The following LINGO2 variants were observed in gnomAD, a reference collection of about 807,000 sequenced individuals.
LINGO2 encodes the protein leucine rich repeat and Ig domain containing 2.
A neutral mutation model predicts 30.6 loss-of-function variants in LINGO2; 14 were observed. That is an observed-to-expected ratio of 0.46 (90% CI 0.30 to 0.72). The LOEUF is 0.72. Among genes scored for constraint, LINGO2 ranks in the 30% least tolerant of loss-of-function variants. LINGO2 has a pLI of 0.07. For synonymous variants in LINGO2, 317 were observed against 288.5 expected, an observed-to-expected ratio of 1.10 and a Z score of -1.00; for missense variants, 729 against 751.7, an observed-to-expected ratio of 0.97 and a Z score of 0.35.
At chr9:28,932,385 A>G in the LINGO2 span, among the ~76,000 whole-genome samples, 2 of 152,156 alleles carry the variant, frequency 1.3e-5, no homozygotes, top group Non-Finnish European at 2.9e-5. Context: ...CATCTGATCC[A>G]GGACTGGAGT....
intron 4 of LINGO2, among the ~76,000 whole-genome samples, chr9:28,041,732 C>G (rs932581218): frequency 2.6e-5 from 4 of 152,182 alleles, no homozygotes; most frequent in African/African-American, 9.7e-5. Context: ...TTCAGGACCA[C>G]ACATATTGTT....
intron 4 of LINGO2, among the ~76,000 whole-genome samples, chr9:28,182,853 TTGG>T (rs1350064169): frequency 6.6e-6 from 1 of 152,196 alleles, no homozygotes; most frequent in African/African-American, 2.4e-5. Context: ...TTTTACACTG[TTGG>T]TGGGAGTGTA....
At chr9:29,020,926 T>C in the LINGO2 span, among the ~76,000 whole-genome samples, 19 of 152,152 alleles carry the variant, frequency 1.2e-4, no homozygotes, top group Non-Finnish European at 1.5e-5. Flanking sequence ...TTTTATTAAT[T>C]TAGTTTTATT....
chr9:28,180,240 C>G (rs1297644247), intron 4 of LINGO2, among the ~76,000 whole-genome samples: 2 of 152,130 alleles, frequency 1.3e-5, no homozygotes, highest in African/African-American at 4.8e-5. Context: ...AGGTGAACTT[C>G]TTTTCCATGG....
At chr9:28,271,856 T>C (rs564498747) in intron 4 of LINGO2, among the ~76,000 whole-genome samples, 45 of 152,316 alleles carry the variant, frequency 3.0e-4, no homozygotes, top group East Asian at 1.9e-4. Context: ...AGGAATTTGT[T>C]AGAAAATAGA....
At chr9:28,720,048 C>G in the LINGO2 span, among the ~76,000 whole-genome samples, 2 of 152,132 alleles carry the variant, frequency 1.3e-5, no homozygotes, top group East Asian at 3.9e-4. Context: ...CATTCCAAAT[C>G]ATCTTTCACA....
At chr9:27,950,668 G>T in exon 6 of LINGO2, 1 of 1,506,976 alleles carries the variant, frequency 6.6e-7, no homozygotes, top group Non-Finnish European at 8.9e-7. Flanking sequence ...GCCGTGTGAA[G>T]CATGACTCCA....
At chr9:28,709,324 T>A in the LINGO2 span, among the ~76,000 whole-genome samples, 2 of 152,262 alleles carry the variant, frequency 1.3e-5, no homozygotes, top group Admixed American at 1.3e-4. Flanking sequence ...TTTCAGGTGC[T>A]GACTTCTTTT....
the LINGO2 span, among the ~76,000 whole-genome samples, chr9:28,896,381 T>C: frequency 6.6e-6 from 1 of 152,130 alleles, no homozygotes; most frequent in Non-Finnish European, 1.5e-5. Flanking sequence ...CTGTATTAAA[T>C]TAGAATATTT....
chr9:28,118,490 T>A (rs1048334395), intron 4 of LINGO2, among the ~76,000 whole-genome samples: 9 of 152,142 alleles, frequency 5.9e-5, no homozygotes, highest in Admixed American at 5.9e-4. Context: ...TGCAATAACT[T>A]ATTCAGTAAG....
chr9:28,932,930 G>A, the LINGO2 span, among the ~76,000 whole-genome samples: 1 of 144,694 alleles, frequency 6.9e-6, no homozygotes, highest in Non-Finnish European at 1.5e-5. Context: ...TTATTGAGAT[G>A]GAGTCTCACT....
chr9:28,414,073 A>T (rs1391111356), intron 2 of LINGO2, among the ~76,000 whole-genome samples: 1 of 152,034 alleles, frequency 6.6e-6, no homozygotes, highest in Admixed American at 6.6e-5. Context: ...CTTGTTTTTT[A>T]AAAAATATTT....
chr9:28,997,531 TA>T, the LINGO2 span, among the ~76,000 whole-genome samples: 12 of 152,144 alleles, frequency 7.9e-5, no homozygotes, highest in Non-Finnish European at 1.5e-4. Context: ...TCCTAAATAA[TA>T]AAAATAGTTG....
chr9:28,000,703 T>C (rs1455645150), intron 5 of LINGO2, among the ~76,000 whole-genome samples: 1 of 152,176 alleles, frequency 6.6e-6, no homozygotes, highest in Non-Finnish European at 1.5e-5. Flanking sequence ...TTTCATAGTT[T>C]TTAAAAGTGG....
the LINGO2 span, among the ~76,000 whole-genome samples, chr9:28,974,900 A>G: frequency 1.3e-5 from 2 of 152,036 alleles, no homozygotes; most frequent in Non-Finnish European, 2.9e-5. Flanking sequence ...CGGAGCCAGA[A>G]TTGGTATTCA....
chr9:28,943,785 G>A, the LINGO2 span, among the ~76,000 whole-genome samples: 120 of 152,322 alleles, frequency 7.9e-4, 1 homozygote, highest in African/African-American at 2.8e-3. Flanking sequence ...AATAGTGTAA[G>A]GAGTAAGATG....
At chr9:28,682,673 A>C in the LINGO2 span, among the ~76,000 whole-genome samples, 1 of 152,108 alleles carries the variant, frequency 6.6e-6, no homozygotes, top group African/African-American at 2.4e-5. Flanking sequence ...AATTATGGCA[A>C]TTTTGGTCAT....
the LINGO2 span, among the ~76,000 whole-genome samples, chr9:28,823,887 A>G: frequency 6.6e-6 from 1 of 152,166 alleles, no homozygotes; most frequent in Non-Finnish European, 1.5e-5. Flanking sequence ...CTGAAATGTC[A>G]GGTATATATA....
At chr9:28,457,863 T>C (rs1487366671) in intron 2 of LINGO2, among the ~76,000 whole-genome samples, 1 of 152,154 alleles carries the variant, frequency 6.6e-6, no homozygotes, top group Non-Finnish European at 1.5e-5. Context: ...TCTTTTCCCC[T>C]CATATAAAAA....
Sources: allele counts gnomAD v4.1 joint callset (sites outside exome capture counted in the v4.1 genomes callset), GRCh38; gene constraint gnomAD v4.1.1; transcripts MANE v1.5; gene names NCBI Gene and HGNC (gene_info 2026-07-23, HGNC 2026-07-21).